Variants in MAN2A1 observed in about 807,000 individuals in gnomAD.
The protein encoded by MAN2A1 is alpha-mannosidase 2.
MAN2A1 carries 76 observed loss-of-function variants against 142.6 expected under a neutral mutation model. The observed-to-expected ratio is 0.53, with a 90% confidence interval of 0.44 to 0.65. MAN2A1 has a LOEUF of 0.65. Among genes scored for constraint, MAN2A1 ranks in the 30% least tolerant of loss-of-function variants. The pLI, the probability that MAN2A1 is intolerant of heterozygous loss-of-function variation, is 0.00. For synonymous variants in MAN2A1, 559 were observed against 473.2 expected, an observed-to-expected ratio of 1.18 and a Z score of -2.35; for missense variants, 1,311 against 1,365.1, an observed-to-expected ratio of 0.96 and a Z score of 0.62.
At chr5:109,751,037 G>A (rs1463494023) in intron 4 of MAN2A1, among the ~76,000 whole-genome samples, 1 of 151,890 alleles carries the variant, frequency 6.6e-6, no homozygotes, top group Admixed American at 6.6e-5. Context: ...GTTAACTATA[G>A]TCACCCTACT....
chr5:109,706,398 C>G (rs1287065768), intron 1 of MAN2A1, among the ~76,000 whole-genome samples: 1 of 152,220 alleles, frequency 6.6e-6, no homozygotes, highest in Non-Finnish European at 1.5e-5. Flanking sequence ...ACTTTCTTCA[C>G]TGCTTACTTG....
rs1755901290 is a variant in MAN2A1 at position 109,867,012 on chromosome 5, A to G, written c.*14A>G. On this transcript the variant is annotated 3_prime_UTR_variant, in exon 22 of 22. Coordinates refer to ENST00000261483, the MANE Select transcript of MAN2A1 (RefSeq NM_002372.4). ...CAGTTGAGGTGAACCTGACTTTCAC[A>G]TTTGGATTGAGAATCATTGGCTTTT... 6.2e-7 allele frequency: 1 copy of G among 1,604,422 alleles called. No individual in the cohort carries two copies. The highest frequency in any genetic ancestry group is 8.5e-7 in the Non-Finnish European group (1 of 1,175,850).
intron 20 of MAN2A1, among the ~76,000 whole-genome samples, chr5:109,862,074 A>G (rs1755772837): frequency 6.6e-6 from 1 of 152,232 alleles, no homozygotes; most frequent in Non-Finnish European, 1.5e-5. Context: ...GCACACAGCA[A>G]GTGCTCAACA....
rs533489252 is a variant in MAN2A1, at chr5:109,757,150, C to T, written c.835+1694C>T. On this transcript the variant is annotated intron_variant, in intron 5 of 21. Transcript: ENST00000261483. ...CTGTAATAAATTATAGGTGTGAGTACGACAATATGTTGAGACCTGTGATTT... is the reference window on the plus strand; with the variant it reads ...CTGTAATAAATTATAGGTGTGAGTATGACAATATGTTGAGACCTGTGATTT... 3.9e-5 allele frequency among the ~76,000 whole-genome samples: 6 copies of T among 152,030 alleles called. No individual in the cohort carries two copies. The South Asian group carries it at 6.2e-4, about 16-fold the overall frequency.
In MAN2A1 at chr5:109,866,876, A is replaced by G. The variant is rs775643909; in HGVS notation, c.3313A>G (p.Ile1105Val). The G allele has an allele frequency of 1.2e-6, 2 of 1,609,414 alleles. No individual in the cohort carries two copies. The highest frequency in any genetic ancestry group is 1.3e-5 in the African/African-American group (1 of 74,742). The change falls in exon 22 of 22, where the codon ATT (isoleucine) becomes GTT (valine). Residue 1105 changes from isoleucine to valine, a missense_variant. Physicochemically the swap from Ile to Val is conservative, Grantham distance 29. Coordinates refer to ENST00000261483, the MANE Select transcript of MAN2A1 (RefSeq NM_002372.4). ...GGTACAGAAACTTTTAAACAAGTTTATTGTCGAAAGTCTCACACCTTCATC... is the reference window on the plus strand; with the variant it reads ...GGTACAGAAACTTTTAAACAAGTTTGTTGTCGAAAGTCTCACACCTTCATC... ...ILVQKLLNKF[I>V]VESLTPSSLS... is the part of the protein sequence containing the mutation.
chr5:109,855,311 A>G lies in MAN2A1; in HGVS notation c.3148A>G (p.Asn1050Asp). 1 of 1,595,204 alleles carries G rather than the reference A, an allele frequency of 6.3e-7. No homozygotes were observed. Among genetic ancestry groups the G allele is most frequent in the Non-Finnish European group, 8.5e-7 (1 of 1,173,738 alleles). ...SSLPCDIHLVNLRTIQSKVGN... is the reference protein window; with the variant it reads ...SSLPCDIHLVDLRTIQSKVGN... ...TTTGCCTTGTGACATTCATCTGGTT[A>G]ATTTGAGAACAATACAGTCAAAGGT... Residue 1050 changes from asparagine (N) to aspartate (D), a missense_variant, in exon 20 of 22, where the codon AAT becomes GAT. Physicochemically the swap from Asn to Asp is conservative, Grantham distance 23. Around this residue, in one of 3 missense-constraint regions of MAN2A1, gnomAD observed 890 missense variants for 920.5 expected, o/e 0.97. Transcript: ENST00000261483.
At chr5:109,748,202 T>C (rs1361206471) in intron 4 of MAN2A1, among the ~76,000 whole-genome samples, 1 of 152,198 alleles carries the variant, frequency 6.6e-6, no homozygotes, top group African/African-American at 2.4e-5. Flanking sequence ...TGATAGTTAT[T>C]GCCAGCAGTA....
At chr5:109,745,958 T>G (rs2112613073) in intron 4 of MAN2A1, among the ~76,000 whole-genome samples, 1 of 152,296 alleles carries the variant, frequency 6.6e-6, no homozygotes, top group Non-Finnish European at 1.5e-5. Flanking sequence ...ATTTTTAAGC[T>G]ACAGTTCTGT....
At chr5:109,811,129 A>G (rs1408980402) in intron 12 of MAN2A1, among the ~76,000 whole-genome samples, 1 of 151,776 alleles carries the variant, frequency 6.6e-6, no homozygotes, top group Non-Finnish European at 1.5e-5. Flanking sequence ...TGTACCACAG[A>G]TTATATATTT....
intron 5 of MAN2A1, among the ~76,000 whole-genome samples, chr5:109,758,979 G>C (rs527408097): frequency 5.6e-4 from 85 of 152,008 alleles, no homozygotes; most frequent in African/African-American, 1.9e-3. Flanking sequence ...GTACTGTCTT[G>C]ATTACTATAG....
intron 1 of MAN2A1, among the ~76,000 whole-genome samples, chr5:109,709,137 C>G (rs2112555988): frequency 6.7e-6 from 1 of 150,024 alleles, no homozygotes; most frequent in East Asian, 2.0e-4. Flanking sequence ...CCAAATTAAC[C>G]ATCACATGGG....
chr5:109,696,504 G>T (rs1368905203), intron 1 of MAN2A1, among the ~76,000 whole-genome samples: 5 of 152,228 alleles, frequency 3.3e-5, no homozygotes, highest in Admixed American at 3.3e-4. Context: ...ACCATTTGCT[G>T]CCTCTATCCA....
intron 4 of MAN2A1, among the ~76,000 whole-genome samples, chr5:109,751,205 ACTT>A (rs1752537770): frequency 6.7e-6 from 1 of 148,802 alleles, no homozygotes; most frequent in African/African-American, 2.5e-5. Context: ...TGTGAGATCA[ACTT>A]TTTTTTTTTT....
In MAN2A1 at chr5:109,716,151, A is replaced by G; in HGVS notation, c.422A>G (p.Asp141Gly). The G allele has an allele frequency of 7.4e-6, 12 of 1,611,322 alleles. No individual in the cohort carries two copies. Among genetic ancestry groups the G allele is most frequent in the Non-Finnish European group, 1.0e-5 (12 of 1,178,166 alleles). ...MLDVYSLISF[D>G]NPDGGVWKQG... Reference sequence around the variant, plus strand: ...GATGTTTACAGTCTAATTTCTTTTGACAATCCAGATGGTGGAGTTTGGAAG... The same window carrying G: ...GATGTTTACAGTCTAATTTCTTTTGGCAATCCAGATGGTGGAGTTTGGAAG... The change falls in exon 3 of 22, where the codon GAC becomes GGC. Residue 141 changes from aspartate (D) to glycine (G), a missense_variant. Asp to Gly is a moderately conservative substitution (Grantham distance 94). Coordinates refer to ENST00000261483, the MANE Select transcript of MAN2A1 (RefSeq NM_002372.4).
intron 1 of MAN2A1, among the ~76,000 whole-genome samples, chr5:109,703,361 A>G (rs1260428218): frequency 6.6e-6 from 1 of 152,228 alleles, no homozygotes; most frequent in African/African-American, 2.4e-5. Context: ...GTGTACAAAG[A>G]TAAGCATTTG....
intron 4 of MAN2A1, among the ~76,000 whole-genome samples, chr5:109,746,411 G>C (rs4551129): frequency 1.1e-4 from 16 of 152,092 alleles, no homozygotes; most frequent in Non-Finnish European, 1.5e-4. Context: ...AAGGTACTCA[G>C]CCACTCCTGT....
intron 9 of MAN2A1, among the ~76,000 whole-genome samples, 183 bp downstream of exon 9, chr5:109,781,781 A>G (rs958998479): frequency 1.3e-5 from 2 of 152,222 alleles, no homozygotes; most frequent in African/African-American, 4.8e-5. Flanking sequence ...AACTACAATC[A>G]AATTATTACA....
intron 4 of MAN2A1, among the ~76,000 whole-genome samples, chr5:109,745,659 C>G (rs185878992): frequency 2.0e-5 from 3 of 152,234 alleles, no homozygotes; most frequent in African/African-American, 7.2e-5. Context: ...GTCTTTGTCA[C>G]TCAGGCTGGA....
At chr5:109,725,165 A>G (rs1331854354) in intron 3 of MAN2A1, among the ~76,000 whole-genome samples, 1 of 152,230 alleles carries the variant, frequency 6.6e-6, no homozygotes, top group African/African-American at 2.4e-5. Flanking sequence ...TTATAAATCA[A>G]AGAAATAAAT....
Sources: gnomAD v4.1 joint callset for allele counts (sites outside exome capture counted in the v4.1 genomes callset) on GRCh38, gnomAD v4.1.1 for gene constraint, gnomAD v4.1.1 regional missense constraint, MANE v1.5 for transcripts, NCBI Gene and HGNC (gene_info 2026-07-23, HGNC 2026-07-21) for gene names.